The following IFIH1 variants were observed in gnomAD, a reference collection of about 807,000 sequenced individuals.
IFIH1 encodes interferon-induced helicase C domain-containing protein 1.
In IFIH1, 125 loss-of-function variants were observed where a neutral mutation model predicts 107.4. The ratio of observed to expected loss-of-function variants is 1.16; its 90% CI spans 1.01 to 1.35. The LOEUF (loss-of-function observed/expected upper bound fraction) is 1.35, where lower values mean the gene tolerates loss of function less well. Ranked by LOEUF, IFIH1 falls within the 40% of genes most tolerant of loss-of-function variation. The probability of loss-of-function intolerance (pLI) is 0.00; values close to 1 mark genes in which losing one functional copy is unlikely to be tolerated. For missense variants in IFIH1, 1,333 were observed against 1,213.7 expected, an observed-to-expected ratio of 1.10 and a Z score of -1.46; for synonymous variants, 458 against 413.2, an observed-to-expected ratio of 1.11 and a Z score of -1.31.
intron 4 of IFIH1, among the ~76,000 whole-genome samples, chr2:162,292,787 G>A (rs1683016944): frequency 6.6e-6 from 1 of 151,682 alleles, no homozygotes; most frequent in African/African-American, 2.4e-5. Flanking sequence ...AAACAGGTAG[G>A]CAAATATAGA....
At chr2:162,298,704 ATAACT>A (rs566923879) in intron 3 of IFIH1, among the ~76,000 whole-genome samples, 79 of 152,292 alleles carry the variant, frequency 5.2e-4, no homozygotes, top group Non-Finnish European at 1.0e-3. Flanking sequence ...TCCTTTTGAA[ATAACT>A]TAATCTTTTT....
At chr2:162,279,270 T>C (rs1682765747) in intron 8 of IFIH1, among the ~76,000 whole-genome samples, 1 of 152,044 alleles carries the variant, frequency 6.6e-6, no homozygotes, top group Non-Finnish European at 1.5e-5. Flanking sequence ...GTTACTAACA[T>C]TGGTTTAGTG....
chr2:162,285,218 T>C (rs1427543986), intron 5 of IFIH1, among the ~76,000 whole-genome samples: 4 of 152,014 alleles, frequency 2.6e-5, no homozygotes, highest in African/African-American at 7.2e-5. Flanking sequence ...GAACCTGGGA[T>C]TTATCTCTCA....
intron 2 of IFIH1, chr2:162,310,362 C>T (rs912107824): frequency 3.4e-5 from 8 of 232,096 alleles, no homozygotes; most frequent in Admixed American, 1.1e-4. Context: ...ACAAAACAAT[C>T]CTTTTATCAA....
intron 2 of IFIH1, among the ~76,000 whole-genome samples, chr2:162,309,674 T>C (rs1481364046): frequency 1.3e-5 from 2 of 152,242 alleles, no homozygotes; most frequent in Non-Finnish European, 2.9e-5. Context: ...CAATTGGTTG[T>C]TCTCTTTATA....
At chr2:162,286,565 G>T (rs1682896516) in intron 5 of IFIH1, among the ~76,000 whole-genome samples, 1 of 151,844 alleles carries the variant, frequency 6.6e-6, no homozygotes, top group African/African-American at 2.4e-5. Flanking sequence ...TAGGTGTGGG[G>T]GCTGCATGCT....
At chr2:162,305,215 T>G (rs1333176402) in intron 3 of IFIH1, among the ~76,000 whole-genome samples, 1 of 152,230 alleles carries the variant, frequency 6.6e-6, no homozygotes, top group East Asian at 1.9e-4. Context: ...ATTGGTGACT[T>G]CTTTGTGTGT....
At chr2:162,271,187 C>A (rs1387334266) in intron 13 of IFIH1, among the ~76,000 whole-genome samples, 1 of 152,078 alleles carries the variant, frequency 6.6e-6, no homozygotes, top group Non-Finnish European at 1.5e-5. Flanking sequence ...TCTGTATTTT[C>A]TTATCATTCA....
chr2:162,297,707 A>G (rs1275031978), intron 3 of IFIH1, among the ~76,000 whole-genome samples: 1 of 152,200 alleles, frequency 6.6e-6, no homozygotes, highest in Non-Finnish European at 1.5e-5. Context: ...AGAAGATGGT[A>G]GTAATTGAAC....
chr2:162,299,959 A>G (rs906357846), intron 3 of IFIH1, among the ~76,000 whole-genome samples: 1 of 152,182 alleles, frequency 6.6e-6, no homozygotes, highest in African/African-American at 2.4e-5. Context: ...CAAATCCAGC[A>G]TAGTGCTCTC....
chr2:162,277,198 A>G (rs1052693839), intron 10 of IFIH1, among the ~76,000 whole-genome samples: 1 of 152,204 alleles, frequency 6.6e-6, no homozygotes, highest in Non-Finnish European at 1.5e-5. Flanking sequence ...AAATAAATTC[A>G]TTACAATTGT....
chr2:162,314,416 T>TTTTC (rs760939547), intron 1 of IFIH1, among the ~76,000 whole-genome samples: 2,444 of 51,250 alleles, frequency 0.048, 189 homozygotes, highest in Non-Finnish European at 0.06. Context: ...TCTTTCTTTC[T>TTTTC]TTTCTTTCTT....
intron 11 of IFIH1, among the ~76,000 whole-genome samples, chr2:162,276,017 G>A (rs963128012): frequency 2.6e-5 from 4 of 152,098 alleles, no homozygotes; most frequent in African/African-American, 9.7e-5. Flanking sequence ...ATTTTTGTGG[G>A]AGTTTGAATT....
chr2:162,271,586 C>T (rs550503350), intron 13 of IFIH1, among the ~76,000 whole-genome samples: 43 of 151,974 alleles, frequency 2.8e-4, no homozygotes, highest in Non-Finnish European at 5.9e-4. Context: ...TGCACATGTA[C>T]GCTAGAACTT....
chr2:162,287,004 T>TA (rs1018232224), intron 5 of IFIH1, among the ~76,000 whole-genome samples: 2 of 151,936 alleles, frequency 1.3e-5, no homozygotes, highest in Non-Finnish European at 2.9e-5. Flanking sequence ...CTATTTCATT[T>TA]AAAAAAATAA....
chr2:162,296,477 T>C (rs954032574), intron 3 of IFIH1, among the ~76,000 whole-genome samples: 1 of 152,146 alleles, frequency 6.6e-6, no homozygotes, highest in Admixed American at 6.6e-5. Context: ...AGAGGTTAAC[T>C]GATATATCCA....
Position 162,314,416 on chromosome 2 carries a change from T to TTTCC in IFIH1, c.453+3438_453+3439insGGAA, listed in dbSNP as rs71009355. Among the ~76,000 whole-genome samples the TTTCC allele has an allele frequency of 3.9e-4, 20 of 51,468 alleles. 1 individual carries two copies. The highest frequency in any genetic ancestry group is 1.3e-3 in the African/African-American group (11 of 8,436). The allele number at this position is 51,468 out of a possible 152,430, so 33.8% of individuals were successfully genotyped here. The stretch of plus-strand genomic sequence containing the variant: ...CCTCCCTCCTTTCTTTCTTTCTTTC[T>TTTCC]TTTCTTTCTTTCTTTCTTTCTTTCT... On this transcript the variant is annotated intron_variant, in intron 1 of 15. Coordinates refer to ENST00000649979, the MANE Select transcript of IFIH1 (RefSeq NM_022168.4).
intron 5 of IFIH1, among the ~76,000 whole-genome samples, chr2:162,285,726 G>C (rs1682882931): frequency 6.6e-6 from 1 of 151,948 alleles, no homozygotes; most frequent in South Asian, 2.1e-4. Flanking sequence ...CCAATGCAAT[G>C]AAAGATTCCT....
At chr2:162,279,263 A>C (rs560328398) in intron 8 of IFIH1, among the ~76,000 whole-genome samples, 2 of 152,178 alleles carry the variant, frequency 1.3e-5, no homozygotes, top group East Asian at 3.9e-4. Context: ...GAGGCTAGTT[A>C]CTAACATTGG....
Sources: allele counts gnomAD v4.1 joint callset (sites outside exome capture counted in the v4.1 genomes callset), GRCh38; gene constraint gnomAD v4.1.1; transcripts MANE v1.5; gene names NCBI Gene and HGNC (gene_info 2026-07-23, HGNC 2026-07-21).